FSIP1: variants seen among roughly 807,000 people sequenced by gnomAD.
FSIP1 encodes fibrous sheath interacting protein 1, also known as fibrous sheath-interacting protein 1.
FSIP1 carries 65 observed loss-of-function variants against 60.9 expected under a neutral mutation model. That is an observed-to-expected ratio of 1.07 (90% CI 0.87 to 1.31). The LOEUF (loss-of-function observed/expected upper bound fraction) is 1.31. Among genes scored for constraint, FSIP1 ranks in the 40% most tolerant of loss-of-function variants. The probability of loss-of-function intolerance (pLI) is 0.00; values close to 1 mark genes in which losing one functional copy is unlikely to be tolerated. For synonymous variants in FSIP1, 209 were observed against 221.2 expected (o/e 0.94, Z 0.49); for missense variants, 675 against 665.5 (o/e 1.01, Z -0.16).
At chr15:39,603,242 T>G (rs1890704854) in intron 11 of FSIP1, among the ~76,000 whole-genome samples, 1 of 152,180 alleles carries the variant, frequency 6.6e-6, no homozygotes, top group South Asian at 2.1e-4. Flanking sequence ...GGATGATGAA[T>G]GAATAGCATG....
At chr15:39,682,307 T>C (rs1198665280) in intron 10 of FSIP1, among the ~76,000 whole-genome samples, 3 of 152,198 alleles carry the variant, frequency 2.0e-5, no homozygotes, top group African/African-American at 7.2e-5. Flanking sequence ...CTGTTTTTAT[T>C]AGAAGAAATG....
intron 8 of FSIP1, among the ~76,000 whole-genome samples, chr15:39,728,210 C>T (rs547718464): frequency 5.9e-5 from 9 of 152,272 alleles, no homozygotes; most frequent in African/African-American, 1.4e-4. Context: ...GGCCATACTG[C>T]CCAAAGCAAT....
chr15:39,717,290 A>C (rs1183527740), intron 9 of FSIP1, among the ~76,000 whole-genome samples: 1 of 152,166 alleles, frequency 6.6e-6, no homozygotes, highest in Non-Finnish European at 1.5e-5. Context: ...AACTATGGTG[A>C]GCACCTGCCA....
At chr15:39,618,883 T>C (rs1028842197) in intron 10 of FSIP1, among the ~76,000 whole-genome samples, 5 of 152,094 alleles carry the variant, frequency 3.3e-5, no homozygotes, top group South Asian at 2.1e-4. Context: ...CTGAATACCA[T>C]AACATTTGAG....
chr15:39,711,673 C>CTCCTT (rs1208660151), intron 10 of FSIP1, among the ~76,000 whole-genome samples: 4 of 92,698 alleles, frequency 4.3e-5, no homozygotes, highest in African/African-American at 1.5e-4. Context: ...ACCATTCCTA[C>CTCCTT]TTCTTTTTTT....
chr15:39,730,447 G>C (rs1435747513), intron 8 of FSIP1, among the ~76,000 whole-genome samples: 1 of 152,176 alleles, frequency 6.6e-6, no homozygotes, highest in Non-Finnish European at 1.5e-5. Flanking sequence ...AGAATATTTG[G>C]AATAACGTGT....
chr15:39,608,096 CA>C (rs1256776207), intron 11 of FSIP1, among the ~76,000 whole-genome samples: 1 of 152,162 alleles, frequency 6.6e-6, no homozygotes, highest in Non-Finnish European at 1.5e-5. Context: ...AGTAAAACTC[CA>C]ACTTCAGATA....
rs1204443171 is a variant in FSIP1 at position 39,776,498 on chromosome 15, A to T, written c.27T>A (p.Asp9Glu). 13 of 1,612,384 alleles carry T rather than the reference A, an allele frequency of 8.1e-6. No individual in the cohort carries two copies. Among genetic ancestry groups the T allele is most frequent in the African/African-American group, 1.3e-5 (1 of 74,888 alleles). The change falls in exon 2 of 12, where the codon GAT (aspartate) becomes GAA (glutamate). Residue 9 changes from aspartate (D) to glutamate (E), a missense_variant. Asp to Glu is a conservative substitution (Grantham distance 45). Transcript: ENST00000350221. ...AATTTGAAGCTGGTTTTGAAATTCC[A>T]TCTAGGTTTCCCTTTATAATATCCA... is the stretch of plus-strand genomic sequence containing the variant. MDIIKGNL[D>E]GISKPASNSR...
At chr15:39,711,084 T>C (rs2140547780) in intron 10 of FSIP1, among the ~76,000 whole-genome samples, 1 of 152,368 alleles carries the variant, frequency 6.6e-6, no homozygotes, top group East Asian at 1.9e-4. Context: ...AACAGCTACA[T>C]GTTCAAGGTA....
chr15:39,702,915 C>T (rs1895116411), intron 10 of FSIP1, among the ~76,000 whole-genome samples: 1 of 151,342 alleles, frequency 6.6e-6, no homozygotes, highest in Admixed American at 6.6e-5. Context: ...TCTAGAGCCT[C>T]TGCTCAACAA....
intron 10 of FSIP1, among the ~76,000 whole-genome samples, chr15:39,708,984 A>C (rs892449312): frequency 6.6e-6 from 1 of 152,196 alleles, no homozygotes; most frequent in Non-Finnish European, 1.5e-5. Flanking sequence ...ACTGATGCCA[A>C]CACTACCACC....
chr15:39,682,551 A>G, intron 10 of FSIP1, among the ~76,000 whole-genome samples: 1 of 152,190 alleles, frequency 6.6e-6, no homozygotes, highest in Non-Finnish European at 1.5e-5. Flanking sequence ...GGCTCCCCGG[A>G]TGAGGGCTCC....
chr15:39,668,999 G>A (rs1177006980), intron 10 of FSIP1, among the ~76,000 whole-genome samples: 1 of 152,174 alleles, frequency 6.6e-6, no homozygotes, highest in Non-Finnish European at 1.5e-5. Flanking sequence ...TATGAATTAT[G>A]AGTATTATTG....
chr15:39,765,769 A>C, intron 3 of FSIP1, 23 bp from the exon 4 acceptor site: 1 of 1,342,112 alleles, frequency 7.5e-7, no homozygotes, highest in Non-Finnish European at 1.0e-6. Context: ...GAAAGTAAAA[A>C]TAGGTTTGAA....
Position 39,732,201 on chromosome 15 carries a change from T to C in FSIP1, c.892-5454A>G, listed in dbSNP as rs144933921. On this transcript the variant is annotated intron_variant, in intron 8 of 11. Transcript: ENST00000350221. ...AATGTGACAGGAGGCACAGCTCAGG[T>C]GGTAATGCTCGCTAGCCCACCGCTC... Among the ~76,000 whole-genome samples, 760 of 152,216 alleles carry C rather than the reference T, an allele frequency of 5.0e-3. 7 individuals are homozygous for C. The highest frequency in any genetic ancestry group is 0.017 in the African/African-American group (716 of 41,530).
Position 39,738,143 on chromosome 15 carries a change from A to T in FSIP1, c.839T>A (p.Val280Asp). 6.2e-7 allele frequency: 1 copy of T among 1,613,550 alleles called. No individual in the cohort carries two copies. Among genetic ancestry groups the T allele is most frequent in the Non-Finnish European group, 8.5e-7 (1 of 1,179,808 alleles). ...CTCATCCAAGTCCTTCAAAAGCTCA[A>T]CCAGCCTTTTCTTCTCTCTGTCAAC... ...VMVDREKKRLVELLKDLDEKD... is the reference protein window; with the variant it reads ...VMVDREKKRLDELLKDLDEKD... The change falls in exon 8 of 12, where the codon GTT (valine) becomes GAT (aspartate). Residue 280 changes from valine (V) to aspartate (D), a missense_variant. Physicochemically the swap from Val to Asp is radical, Grantham distance 152. Coordinates refer to ENST00000350221, the MANE Select transcript of FSIP1 (RefSeq NM_152597.5).
At chr15:39,626,453 T>C (rs540480261) in intron 10 of FSIP1, among the ~76,000 whole-genome samples, 3 of 152,320 alleles carry the variant, frequency 2.0e-5, no homozygotes, top group East Asian at 3.9e-4. Flanking sequence ...TGGAAGGTAG[T>C]ACCTGGCCTT....
intron 5 of FSIP1, among the ~76,000 whole-genome samples, chr15:39,763,050 C>T (rs901352817): frequency 5.9e-5 from 9 of 152,064 alleles, no homozygotes; most frequent in Non-Finnish European, 1.3e-4. Flanking sequence ...AAAGAGTAAA[C>T]TAAAATATTA....
At chr15:39,696,876 GT>G (rs1894836953) in intron 10 of FSIP1, among the ~76,000 whole-genome samples, 1 of 2,268 alleles carries the variant, frequency 4.4e-4, no homozygotes, top group Non-Finnish European at 3.1e-3. Context: ...GTGTCTGTGT[GT>G]GTGTGTGTGT....
Sources: allele counts gnomAD v4.1 joint callset (sites outside exome capture counted in the v4.1 genomes callset), GRCh38; gene constraint gnomAD v4.1.1; transcripts MANE v1.5; gene names NCBI Gene and HGNC (gene_info 2026-07-23, HGNC 2026-07-21).